The following RAB27B variants were observed in gnomAD, a reference collection of about 807,000 sequenced individuals.
RAB27B encodes the protein RAB27B, member RAS oncogene family, also known as ras-related protein Rab-27B.
RAB27B carries 15 observed loss-of-function variants against 24.6 expected under a neutral mutation model. The observed-to-expected ratio is 0.61, with a 90% CI of 0.41 to 0.94. RAB27B has a LOEUF of 0.94. Among genes scored for constraint, RAB27B ranks in the 40% least tolerant of loss-of-function variants. The pLI is 0.00. For synonymous variants in RAB27B, 105 were observed against 92.5 expected (o/e 1.14, Z -0.78); for missense variants, 261 against 266.8 (o/e 0.98, Z 0.15).
rs561047518 is a variant in RAB27B at position 54,832,289 on chromosome 18, G to C, written c.-20+3589G>C. Among the ~76,000 whole-genome samples, 11 of 152,282 alleles carry C rather than the reference G, an allele frequency of 7.2e-5. 2 individuals are homozygous for C. The South Asian group carries it at 2.3e-3, about 32-fold the overall frequency. On this transcript the variant is annotated intron_variant, in intron 1 of 5. Transcript: ENST00000262094. ...AGAACTTACTAATAAATTGGATAAA[G>C]GTGGAGGTGAAGAAAAGAAAGAACC...
chr18:54,817,183 C>G (rs749490651), intron 2 of RAB27B, among the ~76,000 whole-genome samples: 1 of 152,162 alleles, frequency 6.6e-6, no homozygotes, highest in Non-Finnish European at 1.5e-5. Context: ...ATTTACTCAA[C>G]AAACATTCAT....
chr18:54,831,493 G>C (rs923445045), intron 1 of RAB27B, among the ~76,000 whole-genome samples: 1 of 152,118 alleles, frequency 6.6e-6, no homozygotes, highest in Non-Finnish European at 1.5e-5. Context: ...GATATAGCCC[G>C]TTGAACATTT....
intron 2 of RAB27B, among the ~76,000 whole-genome samples, chr18:54,814,254 C>T (rs1910055699): frequency 6.6e-6 from 1 of 152,212 alleles, no homozygotes; most frequent in South Asian, 2.1e-4. Context: ...TACTATTCAT[C>T]TTTGCCATTG....
intron 2 of RAB27B, among the ~76,000 whole-genome samples, chr18:54,743,183 G>T (rs1193919306): frequency 1.3e-5 from 2 of 152,106 alleles, no homozygotes; most frequent in African/African-American, 4.8e-5. Flanking sequence ...GTGCTATTTA[G>T]CTTTTACATA....
chr18:54,832,486 A>G (rs1012280873), intron 1 of RAB27B, among the ~76,000 whole-genome samples: 1 of 152,200 alleles, frequency 6.6e-6, no homozygotes. Flanking sequence ...TTTTGCATAT[A>G]TGAATCTGGG....
intron 2 of RAB27B, among the ~76,000 whole-genome samples, chr18:54,728,989 A>C (rs927914186): frequency 2.1e-5 from 3 of 144,990 alleles, no homozygotes; most frequent in African/African-American, 7.6e-5. Context: ...AGAAATCTTA[A>C]ATATCTGAGT....
At chr18:54,883,851 T>C (rs1913023832) in intron 3 of RAB27B, among the ~76,000 whole-genome samples, 1 of 152,152 alleles carries the variant, frequency 6.6e-6, no homozygotes, top group Non-Finnish European at 1.5e-5. Context: ...TATTCTTCCT[T>C]ACAAAAGAAT....
At chr18:54,826,854 T>C (rs1303207467), upstream of RAB27B, among the ~76,000 whole-genome samples, 1 of 152,234 alleles carries the variant, frequency 6.6e-6, no homozygotes, top group African/African-American at 2.4e-5. Context: ...CCTTGCCTAT[T>C]TCACAGTAAT....
intron 2 of RAB27B, among the ~76,000 whole-genome samples, chr18:54,721,410 G>A (rs1303681357): frequency 6.6e-6 from 1 of 152,166 alleles, no homozygotes; most frequent in East Asian, 1.9e-4. Flanking sequence ...TATTAATCAT[G>A]ATTTCACAGA....
intron 1 of RAB27B, among the ~76,000 whole-genome samples, chr18:54,835,556 C>T (rs1027771611): frequency 2.0e-5 from 3 of 151,888 alleles, no homozygotes; most frequent in Non-Finnish European, 2.9e-5. Flanking sequence ...AACAACACTG[C>T]AAAACATACG....
intron 2 of RAB27B, among the ~76,000 whole-genome samples, chr18:54,744,559 G>C (rs1478865591): frequency 6.6e-6 from 1 of 152,146 alleles, no homozygotes; most frequent in Non-Finnish European, 1.5e-5. Context: ...TAATGGATAT[G>C]ATAATTATTC....
At chr18:54,731,558 T>A (rs1319392585) in intron 2 of RAB27B, among the ~76,000 whole-genome samples, 2 of 151,716 alleles carry the variant, frequency 1.3e-5, no homozygotes, top group Non-Finnish European at 2.9e-5. Flanking sequence ...CTATGTCTAC[T>A]AAAAATACAA....
At chr18:54,821,170 T>C (rs1025670237) in intron 2 of RAB27B, among the ~76,000 whole-genome samples, 3 of 152,198 alleles carry the variant, frequency 2.0e-5, no homozygotes, top group African/African-American at 7.2e-5. Context: ...TTTAAGCTGA[T>C]AGGCAACTTC....
intron 3 of RAB27B, chr18:54,879,826 G>A (rs28687557): frequency 0.71 from 125,513 of 176,448 alleles, 45,540 homozygotes; most frequent in Middle Eastern, 0.83. Context: ...GATCTTCCTT[G>A]TCTCTTTCTG....
intron 1 of RAB27B, among the ~76,000 whole-genome samples, chr18:54,863,596 C>T (rs976069870): frequency 2.6e-5 from 4 of 151,920 alleles, no homozygotes; most frequent in African/African-American, 9.7e-5. Flanking sequence ...AAAGTTGTGC[C>T]ACCATTACTA....
intron 2 of RAB27B, among the ~76,000 whole-genome samples, chr18:54,806,858 G>T (rs1458172526): frequency 2.0e-5 from 3 of 152,018 alleles, no homozygotes; most frequent in Non-Finnish European, 1.5e-5. Context: ...GCAAAAATGA[G>T]TAGGTTTGAG....
chr18:54,802,111 G>A (rs544519417), intron 2 of RAB27B, among the ~76,000 whole-genome samples: 92 of 152,312 alleles, frequency 6.0e-4, no homozygotes, highest in South Asian at 4.1e-3. Flanking sequence ...GGAGTAAAGT[G>A]AGGGATCAAA....
chr18:54,866,613 C>G (rs1315830436), intron 1 of RAB27B, among the ~76,000 whole-genome samples: 1 of 152,184 alleles, frequency 6.6e-6, no homozygotes, highest in Admixed American at 6.5e-5. Context: ...CCTTCTTTTA[C>G]CTGGCAGACA....
At chr18:54,781,133 G>A (rs1908903131) in intron 2 of RAB27B, among the ~76,000 whole-genome samples, 2 of 152,080 alleles carry the variant, frequency 1.3e-5, no homozygotes, top group African/African-American at 4.8e-5. Flanking sequence ...CCAGCTAGCT[G>A]TGGCTCCCTC....
Sources: gnomAD v4.1 joint callset for allele counts (sites outside exome capture counted in the v4.1 genomes callset) on GRCh38, gnomAD v4.1.1 for gene constraint, MANE v1.5 for transcripts, NCBI Gene and HGNC (gene_info 2026-07-23, HGNC 2026-07-21) for gene names.